Variants in DOCK8 observed in about 807,000 individuals in gnomAD.
DOCK8 encodes the protein dedicator of cytokinesis 8.
In DOCK8, 141 loss-of-function variants were observed where a neutral mutation model predicts 245.6. The ratio of observed to expected loss-of-function variants is 0.57; its 90% confidence interval spans 0.50 to 0.66. The LOEUF is 0.66. Among genes scored for constraint, DOCK8 ranks in the 30% least tolerant of loss-of-function variants. The probability of loss-of-function intolerance (pLI) is 0.00; values close to 1 mark genes in which losing one functional copy is unlikely to be tolerated. For synonymous variants in DOCK8, 1,168 were observed against 970.2 expected (o/e 1.20, Z -3.79); for missense variants, 2,965 against 2,603.4 (o/e 1.14, Z -3.02).
rs750374543 is a variant in DOCK8 at position 328,014 on chromosome 9, A to C, written c.895-8A>C. The C allele has an allele frequency of 5.0e-6, 8 of 1,613,514 alleles. No homozygotes were observed. In the East Asian group the frequency reaches 1.8e-4, roughly 36 times the overall value. Reference sequence around the variant, plus strand: ...TAACTTATATTTCACTTTGCTGCTCATTTACAGATCTCAGAAAATTTTCAC... The same window carrying C: ...TAACTTATATTTCACTTTGCTGCTCCTTTACAGATCTCAGAAAATTTTCAC... On this transcript the variant is annotated splice_region_variant and splice_polypyrimidine_tract_variant and intron_variant, in intron 8 of 47. Transcript: ENST00000432829.
chr9:428,314 A>T, intron 34 of DOCK8, 48 bp from the exon 35 acceptor site: 1 of 1,613,354 alleles, frequency 6.2e-7, no homozygotes, highest in Non-Finnish European at 8.5e-7. Context: ...CATCCAGTTC[A>T]TTGGCACAGT....
intron 24 of DOCK8, among the ~76,000 whole-genome samples, chr9:391,086 G>A (rs1406539854): frequency 6.6e-6 from 1 of 152,106 alleles, no homozygotes; most frequent in Non-Finnish European, 1.5e-5. Context: ...CTCTTTTGGT[G>A]CTTTGAAGAT....
At chr9:301,733 T>G (rs1172656927) in intron 4 of DOCK8, among the ~76,000 whole-genome samples, 2 of 152,184 alleles carry the variant, frequency 1.3e-5, no homozygotes, top group Non-Finnish European at 2.9e-5. Context: ...AAATCAAGAA[T>G]GCAATTCCAT....
At chr9:406,218 G>C (rs2055409037) in intron 27 of DOCK8, among the ~76,000 whole-genome samples, 1 of 152,144 alleles carries the variant, frequency 6.6e-6, no homozygotes, top group Non-Finnish European at 1.5e-5. Flanking sequence ...CTGAGGCCGG[G>C]CACGGTGGCT....
chr9:216,537 C>CAAA (rs59529982), intron 1 of DOCK8, among the ~76,000 whole-genome samples: 8 of 88,922 alleles, frequency 9.0e-5, no homozygotes, highest in Non-Finnish European at 1.3e-4. Context: ...AAAAAACAGA[C>CAAA]AAAAAAAAAA....
At chr9:365,878 A>C in intron 14 of DOCK8, 1 of 325,836 alleles carries the variant, frequency 3.1e-6, no homozygotes, top group Non-Finnish European at 6.1e-6. Context: ...CCCAACTGTC[A>C]ACTGTCTTCC....
chr9:345,726 C>T (rs1314353929), intron 14 of DOCK8, among the ~76,000 whole-genome samples: 1 of 152,178 alleles, frequency 6.6e-6, no homozygotes, highest in Non-Finnish European at 1.5e-5. Context: ...CCTGCCCCTT[C>T]AGGTGTCCTG....
At position 390,577 on chromosome 9, in the gene DOCK8, T is replaced by TG; in HGVS notation, c.2970+12dup. The stretch of plus-strand genomic sequence containing the variant: ...TTCTTTGAGCTTCTGGTGAGATTCT[T>TG]GCGCGTTTGTATCTGTGCTCAATAG... On this transcript the variant is annotated intron_variant, in intron 24 of 47. Coordinates refer to ENST00000432829, the MANE Select transcript of DOCK8 (RefSeq NM_203447.4). The TG allele has an allele frequency of 1.9e-6, 3 of 1,612,800 alleles. No homozygotes were observed. The highest frequency in any genetic ancestry group is 2.5e-6 in the Non-Finnish European group (3 of 1,178,798).
upstream of DOCK8, chr9:212,981 G>T (rs767545432): frequency 3.3e-5 from 5 of 152,166 alleles, no homozygotes; most frequent in Non-Finnish European, 5.9e-5. Context: ...TGTTTTCTAT[G>T]TATCATTCGT....
chr9:411,022 T>C (rs1481157405), intron 28 of DOCK8, among the ~76,000 whole-genome samples: 1 of 152,094 alleles, frequency 6.6e-6, no homozygotes, highest in Non-Finnish European at 1.5e-5. Context: ...TAAAATTGAC[T>C]CCAAGAAGAT....
intron 1 of DOCK8, among the ~76,000 whole-genome samples, chr9:239,201 A>C (rs182024453): frequency 2.6e-5 from 4 of 152,230 alleles, no homozygotes; most frequent in South Asian, 4.2e-4. Flanking sequence ...AAACACATAC[A>C]CACACGCATG....
intron 1 of DOCK8, among the ~76,000 whole-genome samples, chr9:256,012 A>G (rs73372572): frequency 0.032 from 4,878 of 152,260 alleles, 246 homozygotes; most frequent in African/African-American, 0.11. Flanking sequence ...ATGTAGTCTC[A>G]TTTATTAAGA....
At chr9:229,518 G>A (rs755149015) in intron 1 of DOCK8, among the ~76,000 whole-genome samples, 11 of 152,106 alleles carry the variant, frequency 7.2e-5, no homozygotes, top group Non-Finnish European at 8.8e-5. Context: ...ATAAAGCAGC[G>A]GTTTGAGAGT....
intron 4 of DOCK8, among the ~76,000 whole-genome samples, chr9:290,344 A>G (rs1012912474): frequency 6.6e-6 from 1 of 151,996 alleles, no homozygotes; most frequent in Admixed American, 6.6e-5. Flanking sequence ...GGCCTGAGAT[A>G]ATTCTTCTTC....
chr9:332,027 T>G (rs945536375), intron 9 of DOCK8, among the ~76,000 whole-genome samples: 6 of 152,242 alleles, frequency 3.9e-5, no homozygotes, highest in Non-Finnish European at 7.3e-5. Context: ...CTGGGTTTTG[T>G]TTTATAAAAT....
chr9:404,945 A>G lies in DOCK8; in HGVS notation c.3262A>G (p.Thr1088Ala). The change falls in exon 27 of 48, where the codon ACG (threonine) becomes GCG (alanine). Residue 1088 changes from threonine to alanine, a missense_variant. Physicochemically the swap from Thr to Ala is moderately conservative, Grantham distance 58. This residue lies in a region of DOCK8 where 2,825 missense variants were observed against 2,453.5 expected (regional missense o/e 1.15). Coordinates refer to ENST00000432829, the MANE Select transcript of DOCK8 (RefSeq NM_203447.4). Reference protein sequence around the residue: ...QLSAKLSNLPTLISMRLEFLR... With the variant: ...QLSAKLSNLPALISMRLEFLR... ...GTCAGCCAAGCTCAGTAACCTTCCA[A>G]CGCTCATTTCCATGAGGCTAGAGTT... The G allele has an allele frequency of 6.2e-7, 1 of 1,613,990 alleles. No homozygotes were observed. The highest frequency in any genetic ancestry group is 8.5e-7 in the Non-Finnish European group (1 of 1,180,020).
Position 312,082 on chromosome 9 carries a change from C to G in DOCK8, c.657C>G (p.Ala219=). 1 of 1,614,144 alleles carries G rather than the reference C, an allele frequency of 6.2e-7. No homozygotes were observed. ...RLENLLQQVS[A]EDFEKQNEEA... ...AAAACCTCCTGCAGCAAGTGAGTGC[C>G]GAGGACTTTGAGAAGCAGAACGAGG... The change falls in exon 6 of 48, where the codon GCC becomes GCG. Residue 219 remains alanine (A), a synonymous_variant. Transcript: ENST00000432829.
chr9:319,820 T>C (rs1563918623), intron 7 of DOCK8, among the ~76,000 whole-genome samples: 1 of 152,214 alleles, frequency 6.6e-6, no homozygotes, highest in Non-Finnish European at 1.5e-5. Context: ...AGTATTTTTC[T>C]GTTTTGTGTT....
rs1282366713 is a variant in DOCK8 at position 331,359 on chromosome 9, G to A, written c.1045-1039G>A. Reference sequence around the variant, plus strand: ...ATGGGAGGGGGTTTTGAACTTCTTTGATGAGAAGAGAGACTTCCTGCTTGG... The same window carrying A: ...ATGGGAGGGGGTTTTGAACTTCTTTAATGAGAAGAGAGACTTCCTGCTTGG... On this transcript the variant is annotated intron_variant, in intron 9 of 47. Transcript: ENST00000432829. Among the ~76,000 whole-genome samples the A allele has an allele frequency of 2.6e-5, 4 of 152,196 alleles. No homozygotes were observed. The South Asian group carries it at 8.3e-4, about 31-fold the overall frequency.
Sources: allele counts gnomAD v4.1 joint callset (sites outside exome capture counted in the v4.1 genomes callset), GRCh38; gene constraint gnomAD v4.1.1; regional missense constraint gnomAD v4.1.1; transcripts MANE v1.5; gene names NCBI Gene and HGNC (gene_info 2026-07-23, HGNC 2026-07-21).